The following YWHAH variants were observed in gnomAD, a reference collection of about 807,000 sequenced individuals.
The protein encoded by YWHAH is tyrosine 3-monooxygenase/tryptophan 5-monooxygenase activation protein eta.
A neutral mutation model predicts 22.9 loss-of-function variants in YWHAH; 6 were observed. The ratio of observed to expected loss-of-function variants is 0.26; its 90% CI spans 0.14 to 0.52. The LOEUF (loss-of-function observed/expected upper bound fraction) is 0.52, where lower values mean the gene tolerates loss of function less well. Ranked by LOEUF, YWHAH falls within the 20% of genes least tolerant of loss-of-function variation. The pLI, the probability that YWHAH is intolerant of heterozygous loss-of-function variation, is 0.97. For missense variants in YWHAH, 173 were observed against 308.6 expected (o/e 0.56, Z 3.29); for synonymous variants, 135 against 124.5 (o/e 1.08, Z -0.56).
At chr22:31,946,376 C>T (rs1011799005) in intron 1 of YWHAH, among the ~76,000 whole-genome samples, 19 of 152,248 alleles carry the variant, frequency 1.2e-4, no homozygotes, top group African/African-American at 4.1e-4. Context: ...GGACCCTGAA[C>T]CTTAATTTTC....
chr22:31,947,527 T>C (rs2093836729), intron 1 of YWHAH: 2 of 470,408 alleles, frequency 4.3e-6, no homozygotes, highest in Admixed American at 4.7e-5. Context: ...AACAATGGTC[T>C]TGCCTCAAAC....
At chr22:31,944,907 CGGCCATG>C in intron 1 of YWHAH, 87 bp downstream of exon 1, 4 of 1,156,496 alleles carry the variant, frequency 3.5e-6, no homozygotes, top group Non-Finnish European at 4.3e-6. Flanking sequence ...GTTCCCCTCC[CGGCCATG>C]GGCGACCCGG....
chr22:31,954,524 G>A (rs1233690370), intron 1 of YWHAH, among the ~76,000 whole-genome samples: 5 of 152,140 alleles, frequency 3.3e-5, no homozygotes, highest in South Asian at 2.1e-4. Context: ...AACCTAGTAC[G>A]ACAAACTGGA....
intron 1 of YWHAH, among the ~76,000 whole-genome samples, chr22:31,953,106 T>TGATA (rs2093845369): frequency 6.6e-6 from 1 of 152,354 alleles, no homozygotes. Flanking sequence ...CTCTGGGAAG[T>TGATA]TACCTTGGTG....
At chr22:31,952,823 G>A (rs2093845047) in intron 1 of YWHAH, among the ~76,000 whole-genome samples, 2 of 152,230 alleles carry the variant, frequency 1.3e-5, no homozygotes, top group Admixed American at 1.3e-4. Context: ...CTTCACGTTA[G>A]TAGGAAGCCC....
rs911510378 is a variant in YWHAH at position 31,944,918 on chromosome 22, G to A, written c.87+98G>A. 18 of 1,137,422 alleles carry A rather than the reference G, an allele frequency of 1.6e-5. No individual in the cohort carries two copies. The Middle Eastern group carries it at 1.1e-3, about 69-fold the overall frequency. 70.5% of individuals were successfully genotyped at this position (1,137,422 alleles called of 1,614,324 possible). A position where few individuals can be genotyped will look rare whatever the true frequency, so the allele number is the denominator to read the frequency against. On this transcript the variant is annotated intron_variant, in intron 1 of 1. Coordinates refer to ENST00000248975, the MANE Select transcript of YWHAH (RefSeq NM_003405.4). ...GCGCGTTCCCCTCCCGGCCATGGGC[G>A]ACCCGGCGACCCGGCTGGGCGTGGC...
chr22:31,957,493 G>A lies in YWHAH; in HGVS notation c.*701G>A, dbSNP rs916452270. 11 of 152,164 alleles carry A rather than the reference G, an allele frequency of 7.2e-5. No individual in the cohort carries two copies. The highest frequency in any genetic ancestry group is 5.9e-5 in the Non-Finnish European group (4 of 67,998). The allele number at this position is 152,164 out of a possible 1,614,324, so 9.4% of individuals were successfully genotyped here. A position where few individuals can be genotyped will look rare whatever the true frequency, so the allele number is the denominator to read the frequency against. ...TATTGTCCTTGTGTATCCTGACAGC[G>A]CCATGTGTGTCAGCCCATGTCAATC... On this transcript the variant is annotated 3_prime_UTR_variant, in exon 2 of 2. Coordinates refer to ENST00000248975, the MANE Select transcript of YWHAH (RefSeq NM_003405.4).
At chr22:31,946,024 G>A (rs2093834022) in intron 1 of YWHAH, among the ~76,000 whole-genome samples, 2 of 152,224 alleles carry the variant, frequency 1.3e-5, no homozygotes, top group African/African-American at 4.8e-5. Context: ...GGCTTTTGAT[G>A]TTAATATCAG....
Position 31,956,302 on chromosome 22 carries a change from C to T in YWHAH, c.251C>T (p.Ala84Val). 1.2e-6 allele frequency: 2 copies of T among 1,614,104 alleles called. No individual in the cohort carries two copies. Among genetic ancestry groups the T allele is most frequent in the Non-Finnish European group, 1.7e-6 (2 of 1,180,030 alleles). The stretch of plus-strand genomic sequence containing the variant: ...GAAAAGAAATTGGAGAAAGTTAAAG[C>T]TTACCGGGAGAAGATTGAGAAGGAG... ...GNEKKLEKVK[A>V]YREKIEKELE... The change falls in exon 2 of 2, where the codon GCT becomes GTT. Residue 84 changes from alanine to valine, a missense_variant. Ala to Val is a moderately conservative substitution (Grantham distance 64, BLOSUM62 0). Transcript: ENST00000248975. The surrounding 1 kb of genome is among the most constrained non-coding windows in gnomAD (Gnocchi z 5.1).
chr22:31,949,136 C>CTTT (rs760273556), intron 1 of YWHAH, among the ~76,000 whole-genome samples: 4,921 of 98,924 alleles, frequency 0.05, 631 homozygotes, highest in African/African-American at 0.2. Context: ...ACATATTTTA[C>CTTT]TTTTTTTTTT....
intron 1 of YWHAH, among the ~76,000 whole-genome samples, chr22:31,949,333 G>T (rs1448977393): frequency 1.3e-5 from 2 of 151,484 alleles, no homozygotes; most frequent in Non-Finnish European, 2.9e-5. Flanking sequence ...TAGTAGAGAT[G>T]GGGTTTCTCC....
chr22:31,944,717 G>A lies in YWHAH; in HGVS notation c.-17G>A. 1 of 1,387,750 alleles carries A rather than the reference G, an allele frequency of 7.2e-7. No homozygotes were observed. Among genetic ancestry groups the A allele is most frequent in the Non-Finnish European group, 9.4e-7 (1 of 1,062,402 alleles). The allele number at this position is 1,387,750 out of a possible 1,614,324, so 86.0% of individuals were successfully genotyped here. A position where few individuals can be genotyped will look rare whatever the true frequency, so the allele number is the denominator to read the frequency against. On this transcript the variant is annotated 5_prime_UTR_variant, in exon 1 of 2. Coordinates refer to ENST00000248975, the MANE Select transcript of YWHAH (RefSeq NM_003405.4). ...CCAGCGGTGTGAGGCGCGAGGCGAGGCCGAGCCGCGAGCGACATGGGGGAC... is the reference window on the plus strand; with the variant it reads ...CCAGCGGTGTGAGGCGCGAGGCGAGACCGAGCCGCGAGCGACATGGGGGAC...
intron 1 of YWHAH, among the ~76,000 whole-genome samples, chr22:31,951,773 T>C (rs1281032732): frequency 1.3e-5 from 2 of 152,140 alleles, no homozygotes; most frequent in Admixed American, 1.3e-4. Flanking sequence ...GGGTGGGGAC[T>C]AGGTGTAGCC....
At chr22:31,944,978 C>T (rs2093831433) in intron 1 of YWHAH, 158 bp downstream of exon 1, 2 of 1,119,914 alleles carry the variant, frequency 1.8e-6, no homozygotes, top group Non-Finnish European at 2.2e-6. Context: ...TTCCCGCTCC[C>T]GCTGGGCGCC....
At chr22:31,948,813 GT>G (rs1341958802) in intron 1 of YWHAH, among the ~76,000 whole-genome samples, 1 of 152,228 alleles carries the variant, frequency 6.6e-6, no homozygotes, top group African/African-American at 2.4e-5. Context: ...TCTTGTAATA[GT>G]TTGAATTTAA....
At chr22:31,945,671 C>T in intron 1 of YWHAH, 1 of 1,266,432 alleles carries the variant, frequency 7.9e-7, no homozygotes, top group Non-Finnish European at 1.0e-6. Context: ...CGTTATTTTA[C>T]GTTTTCTGTA....
intron 1 of YWHAH, among the ~76,000 whole-genome samples, chr22:31,954,046 C>A (rs1248701577): frequency 6.6e-6 from 1 of 152,126 alleles, no homozygotes; most frequent in African/African-American, 2.4e-5. Context: ...GTCCTTGAAC[C>A]ACTAATTCCC....
Position 31,957,474 on chromosome 22 carries a change from C to T in YWHAH, c.*682C>T, listed in dbSNP as rs1170650837. 6.6e-6 allele frequency: 1 copy of T among 150,388 alleles called. No homozygotes were observed. Among genetic ancestry groups the T allele is most frequent in the East Asian group, 2.0e-4 (1 of 5,112 alleles). 9.3% of individuals were successfully genotyped at this position (150,388 alleles called of 1,614,324 possible). A position where few individuals can be genotyped will look rare whatever the true frequency, so the allele number is the denominator to read the frequency against. ...TTTTTTGTAACTCTTTGGCTATTGTCCTTGTGTATCCTGACAGCGCCATGT... is the reference window on the plus strand; with the variant it reads ...TTTTTTGTAACTCTTTGGCTATTGTTCTTGTGTATCCTGACAGCGCCATGT... On this transcript the variant is annotated 3_prime_UTR_variant, in exon 2 of 2. Transcript: ENST00000248975.
At chr22:31,947,704 C>T (rs1020407496) in intron 1 of YWHAH, among the ~76,000 whole-genome samples, 1 of 152,174 alleles carries the variant, frequency 6.6e-6, no homozygotes, top group African/African-American at 2.4e-5. Context: ...AACCTAAGTC[C>T]TTTCTAGGCT....
Sources: gnomAD v4.1 joint callset for allele counts (sites outside exome capture counted in the v4.1 genomes callset) on GRCh38, gnomAD v4.1.1 for gene constraint, Gnocchi (gnomAD v3.1) non-coding constraint, MANE v1.5 for transcripts, NCBI Gene and HGNC (gene_info 2026-07-23, HGNC 2026-07-21) for gene names.